BCL11B: variants seen among roughly 807,000 people sequenced by gnomAD.
BCL11B encodes BCL11 transcription factor B.
Under a neutral mutation model 49.9 loss-of-function variants are expected in BCL11B, and 8 were observed. The ratio of observed to expected loss-of-function variants is 0.16; its 90% confidence interval spans 0.09 to 0.29. BCL11B has a LOEUF of 0.29. Ranked by LOEUF, BCL11B falls within the 10% of genes least tolerant of loss-of-function variation. The probability of loss-of-function intolerance (pLI) is 1.00; values close to 1 mark genes in which losing one functional copy is unlikely to be tolerated. For missense variants in BCL11B, 1,006 were observed against 1,351.0 expected, an observed-to-expected ratio of 0.74 and a Z score of 4.00; for synonymous variants, 739 against 637.4, an observed-to-expected ratio of 1.16 and a Z score of -2.40.
At position 99,232,159 on chromosome 14, in the gene BCL11B, G is replaced by T. The variant is rs140117261; in HGVS notation, c.428-602C>A. Among the ~76,000 whole-genome samples the T allele has an allele frequency of 6.6e-6, 1 of 152,078 alleles. No homozygotes were observed. Among genetic ancestry groups the T allele is most frequent in the Non-Finnish European group, 1.5e-5 (1 of 68,004 alleles). ...GCACTGAGCGTGCTGCACCCAAAAC[G>T]CAATGCCCTTCAGAAGGCTTTCACA... is the stretch of plus-strand genomic sequence containing the variant. On this transcript the variant is annotated intron_variant, in intron 2 of 3. Transcript: ENST00000357195. The surrounding 1 kb of genome is among the most constrained non-coding windows in gnomAD (Gnocchi z 5.1).
Position 99,231,648 on chromosome 14 carries a change from T to G in BCL11B, c.428-91A>C, listed in dbSNP as rs182910245. The G allele has an allele frequency of 0.014, 19,323 of 1,338,062 alleles. 289 individuals carry two copies. Among genetic ancestry groups the G allele is most frequent in the South Asian group, 0.049 (3,839 of 78,020 alleles). The allele number at this position is 1,338,062 out of a possible 1,614,324, so 82.9% of individuals were successfully genotyped here. A position where few individuals can be genotyped will look rare whatever the true frequency, so the allele number is the denominator to read the frequency against. ...GGACGGGGCTCGGGGCGTGGGGCTC[T>G]GCTCAGGCCACCCTTCGGGGGTGGG... is the stretch of plus-strand genomic sequence containing the variant. On this transcript the variant is annotated intron_variant, in intron 2 of 3. Coordinates refer to ENST00000357195, the MANE Select transcript of BCL11B (RefSeq NM_138576.4). The surrounding 1 kb of genome is among the most constrained non-coding windows in gnomAD (Gnocchi z 8.1).
chr14:99,211,929 A>G (rs1887700728), intron 3 of BCL11B, among the ~76,000 whole-genome samples: 1 of 152,078 alleles, frequency 6.6e-6, no homozygotes, highest in African/African-American at 2.4e-5. Flanking sequence ...TCAACTTGAT[A>G]CAAGTAAATG....
chr14:99,218,232 A>ATTTTTTTTT (rs34932370), intron 3 of BCL11B, among the ~76,000 whole-genome samples: 4 of 112,888 alleles, frequency 3.5e-5, no homozygotes, highest in Non-Finnish European at 3.6e-5. Flanking sequence ...TGCCTGGCTA[A>ATTTTTTTTT]TTTTTTTTTT....
At chr14:99,240,222 A>G (rs1346312081) in intron 2 of BCL11B, among the ~76,000 whole-genome samples, 1 of 152,222 alleles carries the variant, frequency 6.6e-6, no homozygotes, top group Non-Finnish European at 1.5e-5. Context: ...AAAAGAAATC[A>G]AATTGTAAAA....
chr14:99,226,065 C>T (rs879414391), intron 3 of BCL11B, among the ~76,000 whole-genome samples: 16 of 152,352 alleles, frequency 1.1e-4, no homozygotes, highest in Admixed American at 4.6e-4. Context: ...AGCGCTTGCA[C>T]GCCAGGAAGA....
intron 3 of BCL11B, among the ~76,000 whole-genome samples, chr14:99,187,412 G>A (rs539836064): frequency 1.6e-4 from 24 of 152,290 alleles, no homozygotes; most frequent in African/African-American, 5.3e-4. Context: ...CGTTGTCAGA[G>A]TCCCTTGAAA....
At chr14:99,225,969 G>A (rs1000503442) in intron 3 of BCL11B, among the ~76,000 whole-genome samples, 6 of 152,236 alleles carry the variant, frequency 3.9e-5, no homozygotes, top group South Asian at 2.1e-4. Flanking sequence ...AGAAAGAGGC[G>A]TCTGGGTTCT....
intron 2 of BCL11B, among the ~76,000 whole-genome samples, chr14:99,256,954 G>A (rs1471180165): frequency 6.6e-6 from 1 of 152,082 alleles, no homozygotes; most frequent in Non-Finnish European, 1.5e-5. Context: ...GAAAGGAGAG[G>A]GGAGAGAATG....
chr14:99,231,298 C>T lies in BCL11B; in HGVS notation c.640+47G>A, dbSNP rs372311298. The T allele has an allele frequency of 2.0e-5, 31 of 1,579,944 alleles. 1 individual carries two copies. The South Asian group carries it at 3.3e-4, about 17-fold the overall frequency. On this transcript the variant is annotated intron_variant, in intron 3 of 3. Transcript: ENST00000357195. The surrounding 1 kb of genome is among the most constrained non-coding windows in gnomAD (Gnocchi z 8.1). Reference sequence around the variant, plus strand: ...TTGCTCCAGCGCTGCCCATGGCACACCCCGCCATCCCGGGGGCCCGCCCCC... The same window carrying T: ...TTGCTCCAGCGCTGCCCATGGCACATCCCGCCATCCCGGGGGCCCGCCCCC...
chr14:99,175,978 G>A lies in BCL11B; in HGVS notation c.858C>T (p.Ser286=), dbSNP rs1325937508. The A allele has an allele frequency of 1.3e-6, 2 of 1,503,634 alleles. No individual in the cohort carries two copies. Among genetic ancestry groups the A allele is most frequent in the Non-Finnish European group, 1.8e-6 (2 of 1,126,210 alleles). The allele number at this position is 1,503,634 out of a possible 1,614,324, so 93.1% of individuals were successfully genotyped here. A position where few individuals can be genotyped will look rare whatever the true frequency, so the allele number is the denominator to read the frequency against. ...TCATGCGCAGCAGGTTGAAGGGGTT[G>A]CTGTCGCCCAGGAAATTCATGAGCG... ...QSPLMNFLGD[S]NPFNLLRMTG... The change falls in exon 4 of 4, where the codon AGC becomes AGT. Residue 286 remains serine (S), a synonymous_variant. Transcript: ENST00000357195.
At chr14:99,265,510 A>T (rs561426465) in intron 1 of BCL11B, among the ~76,000 whole-genome samples, 3 of 151,998 alleles carry the variant, frequency 2.0e-5, no homozygotes, top group African/African-American at 7.2e-5. Flanking sequence ...CTTATCTATG[A>T]TCTGTGTTTA....
intron 2 of BCL11B, among the ~76,000 whole-genome samples, chr14:99,254,570 C>A (rs1458052625): frequency 6.6e-6 from 1 of 152,250 alleles, no homozygotes. Flanking sequence ...TCCTCTGAGC[C>A]TGGACAGCCA....
chr14:99,256,240 C>T (rs988973632), intron 2 of BCL11B, among the ~76,000 whole-genome samples: 1 of 152,178 alleles, frequency 6.6e-6, no homozygotes, highest in Non-Finnish European at 1.5e-5. Context: ...AGCATGGTAA[C>T]GATCAATGCA....
chr14:99,186,373 TAGCC>T (rs1291559222), intron 3 of BCL11B, among the ~76,000 whole-genome samples: 1 of 152,124 alleles, frequency 6.6e-6, no homozygotes, highest in Non-Finnish European at 1.5e-5. Context: ...ATACAAAAAT[TAGCC>T]AGCATGGTGG....
In BCL11B at chr14:99,213,840, C is replaced by T. The variant is rs755644965; in HGVS notation, c.640+17505G>A. Among the ~76,000 whole-genome samples the T allele has an allele frequency of 3.3e-5, 5 of 152,326 alleles. No homozygotes were observed. The highest frequency in any genetic ancestry group is 2.1e-4 in the South Asian group (1 of 4,824). Reference sequence around the variant, plus strand: ...GGGCCCCCCGAGGGGCTGCCCCGTGCGCCCAGGCACAAGGGTACTGCTGGG... The same window carrying T: ...GGGCCCCCCGAGGGGCTGCCCCGTGTGCCCAGGCACAAGGGTACTGCTGGG... On this transcript the variant is annotated intron_variant, in intron 3 of 3. Coordinates refer to ENST00000357195, the MANE Select transcript of BCL11B (RefSeq NM_138576.4). This position sits in a 1 kb window ranked among gnomAD's most constrained non-coding sequence, Gnocchi z 5.1.
intron 1 of BCL11B, among the ~76,000 whole-genome samples, chr14:99,270,274 G>C (rs1020160904): frequency 9.9e-5 from 15 of 152,070 alleles, no homozygotes; most frequent in African/African-American, 3.4e-4. Flanking sequence ...GAGATAGAAA[G>C]ATGGATACGA....
intron 3 of BCL11B, among the ~76,000 whole-genome samples, chr14:99,227,957 G>A (rs1888206153): frequency 6.6e-6 from 1 of 152,118 alleles, no homozygotes; most frequent in Non-Finnish European, 1.5e-5. Context: ...GTCTAGGGTT[G>A]GGGTCCCGGG....
chr14:99,222,899 T>C (rs1469414578), intron 3 of BCL11B, among the ~76,000 whole-genome samples: 1 of 150,090 alleles, frequency 6.7e-6, no homozygotes, highest in African/African-American at 2.5e-5. Context: ...TTCTTTCTCT[T>C]TCTCTCTTTC....
At chr14:99,191,899 G>C (rs1189527180) in intron 3 of BCL11B, among the ~76,000 whole-genome samples, 1 of 152,140 alleles carries the variant, frequency 6.6e-6, no homozygotes, top group Non-Finnish European at 1.5e-5. Flanking sequence ...TACAATTTCT[G>C]CTGCGTATGC....
Sources: gnomAD v4.1 joint callset for allele counts (sites outside exome capture counted in the v4.1 genomes callset) on GRCh38, gnomAD v4.1.1 for gene constraint, Gnocchi (gnomAD v3.1) non-coding constraint, MANE v1.5 for transcripts, NCBI Gene and HGNC (gene_info 2026-07-23, HGNC 2026-07-21) for gene names.